The following TASP1 variants were observed in gnomAD, a reference collection of about 807,000 sequenced individuals.
The protein encoded by TASP1 is threonine aspartase 1.
Under a neutral mutation model 56.6 loss-of-function variants are expected in TASP1, and 16 were observed. The observed-to-expected ratio is 0.28, with a 90% confidence interval of 0.19 to 0.43. The LOEUF (loss-of-function observed/expected upper bound fraction) is 0.43, where lower values mean the gene tolerates loss of function less well. TASP1 is among the 20% of genes least tolerant of loss of function. The pLI, the probability that TASP1 is intolerant of heterozygous loss-of-function variation, is 1.00. For missense variants in TASP1, 393 were observed against 511.6 expected (o/e 0.77, Z 2.24); for synonymous variants, 179 against 184.2 (o/e 0.97, Z 0.23).
At chr20:13,540,699 G>A (rs1193585716) in intron 8 of TASP1, among the ~76,000 whole-genome samples, 1 of 152,154 alleles carries the variant, frequency 6.6e-6, no homozygotes, top group Non-Finnish European at 1.5e-5. Context: ...TCAGAAAATT[G>A]TTATCTTCAT....
chr20:13,488,701 C>T (rs904630319), intron 10 of TASP1, among the ~76,000 whole-genome samples: 1 of 152,136 alleles, frequency 6.6e-6, no homozygotes, highest in Non-Finnish European at 1.5e-5. Flanking sequence ...TAAACTCACA[C>T]CCATTTCAGC....
At chr20:13,172,512 T>C in the TASP1 span, among the ~76,000 whole-genome samples, 2 of 152,170 alleles carry the variant, frequency 1.3e-5, no homozygotes, top group Non-Finnish European at 2.9e-5. Context: ...TATAGTGATT[T>C]CTTTTCATAT....
At chr20:13,188,043 G>A in the TASP1 span, among the ~76,000 whole-genome samples, 1 of 152,112 alleles carries the variant, frequency 6.6e-6, no homozygotes, top group Non-Finnish European at 1.5e-5. Context: ...CTCAGGTTCA[G>A]CTAGCTTGCC....
chr20:13,148,393 G>A, the TASP1 span, among the ~76,000 whole-genome samples: 1 of 152,140 alleles, frequency 6.6e-6, no homozygotes, highest in Non-Finnish European at 1.5e-5. Context: ...GCCAAGATAG[G>A]TACACCCTTG....
At chr20:13,381,812 CTTTG>C in the TASP1 span, among the ~76,000 whole-genome samples, 1 of 152,182 alleles carries the variant, frequency 6.6e-6, no homozygotes, top group Non-Finnish European at 1.5e-5. Flanking sequence ...CTCTGGTCTT[CTTTG>C]TTTGCCCATC....
At chr20:13,371,146 T>C in the TASP1 span, among the ~76,000 whole-genome samples, 6 of 152,168 alleles carry the variant, frequency 3.9e-5, no homozygotes, top group Non-Finnish European at 8.8e-5. Flanking sequence ...TCTATTGTTT[T>C]TCAATTCGTT....
intron 13 of TASP1, among the ~76,000 whole-genome samples, chr20:13,395,101 C>T (rs2041473101): frequency 6.6e-6 from 1 of 152,166 alleles, no homozygotes; most frequent in Non-Finnish European, 1.5e-5. Context: ...AGGAAAACTG[C>T]ACACAACTTA....
At chr20:13,361,209 T>TA in the TASP1 span, among the ~76,000 whole-genome samples, 2 of 152,142 alleles carry the variant, frequency 1.3e-5, no homozygotes, top group Non-Finnish European at 2.9e-5. Context: ...ATAACTAAAA[T>TA]ACCTCTTAGT....
the TASP1 span, among the ~76,000 whole-genome samples, chr20:13,228,811 T>A: frequency 6.6e-6 from 1 of 152,248 alleles, no homozygotes; most frequent in African/African-American, 2.4e-5. Flanking sequence ...CTATCTTTCA[T>A]GTCTCTGAAT....
the TASP1 span, among the ~76,000 whole-genome samples, chr20:13,107,053 C>T: frequency 6.6e-6 from 1 of 152,094 alleles, no homozygotes; most frequent in East Asian, 1.9e-4. Context: ...TTGAGGTTCC[C>T]ATATTTGTCT....
chr20:13,606,723 C>T (rs923984777), intron 4 of TASP1, among the ~76,000 whole-genome samples: 14 of 150,120 alleles, frequency 9.3e-5, no homozygotes, highest in African/African-American at 3.2e-4. Flanking sequence ...AGTAGAATGG[C>T]GTGAACCCAG....
intron 2 of TASP1, among the ~76,000 whole-genome samples, chr20:13,627,655 G>A (rs2048940407): frequency 6.7e-6 from 1 of 150,000 alleles, no homozygotes; most frequent in Non-Finnish European, 1.5e-5. Flanking sequence ...GGAGGCTGAG[G>A]CAGGAGAATT....
At chr20:13,523,677 C>A (rs1392605936) in intron 10 of TASP1, among the ~76,000 whole-genome samples, 1 of 152,106 alleles carries the variant, frequency 6.6e-6, no homozygotes, top group Non-Finnish European at 1.5e-5. Context: ...CTACTCCTGG[C>A]AAGTCCTGAC....
intron 4 of TASP1, among the ~76,000 whole-genome samples, chr20:13,609,746 T>G (rs1308320686): frequency 1.3e-5 from 2 of 150,420 alleles, no homozygotes; most frequent in African/African-American, 4.9e-5. Context: ...ACCCAGCAAT[T>G]TCACTTCTAG....
At chr20:13,213,527 T>C in the TASP1 span, among the ~76,000 whole-genome samples, 99 of 152,172 alleles carry the variant, frequency 6.5e-4, no homozygotes, top group Non-Finnish European at 5.1e-4. Context: ...CCTCCTCTAA[T>C]ATGGTCACAG....
chr20:13,159,500 G>A, the TASP1 span, among the ~76,000 whole-genome samples: 2 of 152,058 alleles, frequency 1.3e-5, no homozygotes, highest in Non-Finnish European at 2.9e-5. Flanking sequence ...TCTGATCTTG[G>A]TCTTCAAATT....
the TASP1 span, among the ~76,000 whole-genome samples, chr20:13,200,184 T>C: frequency 1.3e-5 from 2 of 152,016 alleles, no homozygotes; most frequent in Non-Finnish European, 2.9e-5. Context: ...ATCCGAGACA[T>C]AACCCATAGT....
At chr20:13,356,988 C>T in the TASP1 span, among the ~76,000 whole-genome samples, 8 of 152,138 alleles carry the variant, frequency 5.3e-5, no homozygotes. Flanking sequence ...CTCTGTTAGC[C>T]CCTTTTCCAG....
chr20:13,361,755 A>G, the TASP1 span, among the ~76,000 whole-genome samples: 1 of 152,020 alleles, frequency 6.6e-6, no homozygotes, highest in African/African-American at 2.4e-5. Flanking sequence ...TTACACTGCC[A>G]GTTTACACTG....
Sources: allele counts gnomAD v4.1 joint callset (sites outside exome capture counted in the v4.1 genomes callset), GRCh38; gene constraint gnomAD v4.1.1; transcripts MANE v1.5; gene names NCBI Gene and HGNC (gene_info 2026-07-23, HGNC 2026-07-21).